Variants in WDR49 observed in about 807,000 individuals in gnomAD.
WDR49 encodes the protein WD repeat domain 49, also known as cilia- and flagella-associated protein 337.
A neutral mutation model predicts 119.5 loss-of-function variants in WDR49; 107 were observed. The ratio of observed to expected loss-of-function variants is 0.90; its 90% CI spans 0.77 to 1.05. WDR49 has a LOEUF of 1.05. Among genes scored for constraint, WDR49 ranks in the 50% least tolerant of loss-of-function variants. WDR49 has a pLI of 0.00. For synonymous variants in WDR49, 425 were observed against 418.8 expected, an observed-to-expected ratio of 1.01 and a Z score of -0.18; for missense variants, 1,240 against 1,220.5, an observed-to-expected ratio of 1.02 and a Z score of -0.24.
intron 2 of WDR49, among the ~76,000 whole-genome samples, chr3:167,652,550 A>G (rs1406094290): frequency 6.6e-6 from 1 of 152,234 alleles, no homozygotes; most frequent in Non-Finnish European, 1.5e-5. Flanking sequence ...ATTTGAAACT[A>G]AAAACCACTT....
chr3:167,478,748 C>G lies in WDR49; in HGVS notation c.*130G>C, dbSNP rs1750571939. ...TGACAGATGATAGATAAAAGCAGTACTAAATTATCCCATGAAGAGAAAACT... is the reference window on the plus strand; with the variant it reads ...TGACAGATGATAGATAAAAGCAGTAGTAAATTATCCCATGAAGAGAAAACT... On this transcript the variant is annotated 3_prime_UTR_variant, in exon 19 of 19. Coordinates refer to ENST00000682715, the MANE Select transcript of WDR49 (RefSeq NM_001366157.1). The G allele has an allele frequency of 1.8e-6, 1 of 568,304 alleles. No individual in the cohort carries two copies. Among genetic ancestry groups the G allele is most frequent in the African/African-American group, 1.9e-5 (1 of 51,382 alleles). 35.2% of individuals were successfully genotyped at this position (568,304 alleles called of 1,614,324 possible). A position where few individuals can be genotyped will look rare whatever the true frequency, so the allele number is the denominator to read the frequency against.
intron 16 of WDR49, 147 bp downstream of exon 16, chr3:167,522,168 T>C: frequency 3.1e-6 from 2 of 649,504 alleles, no homozygotes; most frequent in Non-Finnish European, 4.9e-6. Context: ...CACTCATTCA[T>C]ACGCACCTAC....
intron 8 of WDR49, among the ~76,000 whole-genome samples, chr3:167,566,635 T>C (rs1713615529): frequency 2.0e-5 from 3 of 152,196 alleles, no homozygotes; most frequent in Admixed American, 2.0e-4. Flanking sequence ...TAAAAATTCA[T>C]GTATAATGTC....
chr3:167,653,263 C>T lies in WDR49; in HGVS notation c.163G>A (p.Glu55Lys). The T allele has an allele frequency of 1.3e-6, 2 of 1,536,154 alleles. No homozygotes were observed. The highest frequency in any genetic ancestry group is 1.7e-6 in the Non-Finnish European group (2 of 1,146,878). ...GDFVKIQKAF[E>K]SPQPRKIICM... ...TGGTCAATAAGCTTCACACTTACCT[C>T]AAAGGCCTTCTGTATTTTTACAAAG... Residue 55 changes from glutamate (E) to lysine (K), a missense_variant and splice_region_variant, in exon 2 of 19, where the codon GAG (glutamate) becomes AAG (lysine). By Grantham distance (56) the Glu-to-Lys change is moderately conservative. Transcript: ENST00000682715.
chr3:167,591,195 T>C (rs1715086167), intron 7 of WDR49, among the ~76,000 whole-genome samples: 1 of 152,122 alleles, frequency 6.6e-6, no homozygotes, highest in Non-Finnish European at 1.5e-5. Flanking sequence ...TTGTTTAATT[T>C]CCATGTATTT....
chr3:167,546,662 G>A (rs1037013599), intron 10 of WDR49, among the ~76,000 whole-genome samples: 2 of 143,002 alleles, frequency 1.4e-5, no homozygotes, highest in Non-Finnish European at 3.1e-5. Context: ...CCAATTATGT[G>A]AGAACAAAAT....
In WDR49 at chr3:167,554,685, C is replaced by CA; in HGVS notation, c.1787_1788insT (p.Glu596AspfsTer4). On this transcript the variant is annotated frameshift_variant, in exon 10 of 19. Transcript: ENST00000682715. LOFTEE classifies it high-confidence loss of function. ...TTTTCCATGAGGCATAATCATACCT[C>CA]TCCCAGCCTGTAACCAGTATTTTCT... 1 of 1,609,806 alleles carries CA rather than the reference C, an allele frequency of 6.2e-7. No homozygotes were observed. Among genetic ancestry groups the CA allele is most frequent in the Non-Finnish European group, 8.5e-7 (1 of 1,176,958 alleles).
intron 16 of WDR49, among the ~76,000 whole-genome samples, chr3:167,514,628 GAC>G (rs59265631): frequency 0.39 from 55,165 of 140,494 alleles, 11,504 homozygotes; most frequent in East Asian, 0.66. Flanking sequence ...AGGAGATGCA[GAC>G]ACACACACAC....
intron 5 of WDR49, among the ~76,000 whole-genome samples, chr3:167,605,381 T>A (rs1716006701): frequency 6.6e-6 from 1 of 152,142 alleles, no homozygotes; most frequent in Non-Finnish European, 1.5e-5. Flanking sequence ...ATGTTGAGAC[T>A]ATTCAGTGTG....
chr3:167,553,266 A>G (rs936626344), intron 10 of WDR49, among the ~76,000 whole-genome samples: 3 of 152,086 alleles, frequency 2.0e-5, no homozygotes, highest in African/African-American at 7.2e-5. Flanking sequence ...ATAACGGAAA[A>G]CATGAAGGAA....
chr3:167,580,034 T>A (rs1357975258), intron 7 of WDR49, among the ~76,000 whole-genome samples: 2 of 152,180 alleles, frequency 1.3e-5, no homozygotes, highest in African/African-American at 4.8e-5. Flanking sequence ...GGATTTGATA[T>A]TTCACTGACA....
intron 2 of WDR49, 44 bp downstream of exon 2, chr3:167,653,217 T>C (rs934649745): frequency 6.5e-7 from 1 of 1,532,776 alleles, no homozygotes; most frequent in Non-Finnish European, 8.7e-7. Context: ...CTAGGCTCCT[T>C]CATGAACAAC....
At chr3:167,586,714 C>T (rs992909794) in intron 7 of WDR49, among the ~76,000 whole-genome samples, 7 of 152,038 alleles carry the variant, frequency 4.6e-5, no homozygotes, top group African/African-American at 1.2e-4. Flanking sequence ...ACTGAGATCA[C>T]GATGCATTTA....
intron 17 of WDR49, among the ~76,000 whole-genome samples, chr3:167,502,073 C>T (rs1421367174): frequency 6.6e-6 from 1 of 152,000 alleles, no homozygotes; most frequent in Non-Finnish European, 1.5e-5. Context: ...GGTGCCATTC[C>T]CTTGGTGCTG....
At chr3:167,554,905 C>T (rs1712833563) in intron 9 of WDR49, 107 bp from the exon 10 acceptor site, 18 of 828,152 alleles carry the variant, frequency 2.2e-5, no homozygotes, top group East Asian at 1.1e-4. Flanking sequence ...AAAATCAACT[C>T]ATCATTGAAT....
At chr3:167,579,432 C>T (rs974044764) in intron 7 of WDR49, among the ~76,000 whole-genome samples, 28 of 152,090 alleles carry the variant, frequency 1.8e-4, no homozygotes, top group African/African-American at 6.8e-4. Context: ...TTTTATGGGA[C>T]TTTTTAAAAT....
At chr3:167,579,850 A>G (rs1714445783) in intron 7 of WDR49, among the ~76,000 whole-genome samples, 1 of 152,152 alleles carries the variant, frequency 6.6e-6, no homozygotes, top group African/African-American at 2.4e-5. Flanking sequence ...TCACGTCTTC[A>G]TCATTCAAAA....
Position 167,619,059 on chromosome 3 carries a change from T to C in WDR49, c.958+1370A>G, listed in dbSNP as rs78924617. Among the ~76,000 whole-genome samples, 487 of 152,284 alleles carry C rather than the reference T, an allele frequency of 3.2e-3. 3 individuals are homozygous for C. Among genetic ancestry groups the C allele is most frequent in the African/African-American group, 0.011 (460 of 41,576 alleles). On this transcript the variant is annotated intron_variant, in intron 5 of 18. Transcript: ENST00000682715. Reference sequence around the variant, plus strand: ...ATTTAAAAGCCTTACTTGTTATCTCTCCAACCCTTTCTAAGACAGCTTTCT... The same window carrying C: ...ATTTAAAAGCCTTACTTGTTATCTCCCCAACCCTTTCTAAGACAGCTTTCT...
chr3:167,554,684 T>G lies in WDR49; in HGVS notation c.1789A>C (p.Arg597=). 1 of 1,607,344 alleles carries G rather than the reference T, an allele frequency of 6.2e-7. No individual in the cohort carries two copies. Among genetic ancestry groups the G allele is most frequent in the East Asian group, 2.2e-5 (1 of 44,740 alleles). The stretch of plus-strand genomic sequence containing the variant: ...GTTTTCCATGAGGCATAATCATACC[T>G]CTCCCAGCCTGTAACCAGTATTTTC... ...KKKILVTGWE[R]YDYASWKTIG... The change falls in exon 10 of 19, where the codon AGG becomes CGG. Residue 597 remains arginine (R), a synonymous_variant. Coordinates refer to ENST00000682715, the MANE Select transcript of WDR49 (RefSeq NM_001366157.1).
Sources: allele counts gnomAD v4.1 joint callset (sites outside exome capture counted in the v4.1 genomes callset), GRCh38; gene constraint gnomAD v4.1.1; transcripts MANE v1.5; gene names NCBI Gene and HGNC (gene_info 2026-07-23, HGNC 2026-07-21).